TECTB: variants seen among roughly 807,000 people sequenced by gnomAD.
TECTB encodes tectorin beta.
A neutral mutation model predicts 43.3 loss-of-function variants in TECTB; 45 were observed. The observed-to-expected ratio is 1.04, with a 90% confidence interval of 0.82 to 1.33. The LOEUF (loss-of-function observed/expected upper bound fraction) is 1.33, where lower values mean the gene tolerates loss of function less well. Among genes scored for constraint, TECTB ranks in the 40% most tolerant of loss-of-function variants. The probability of loss-of-function intolerance (pLI) is 0.00; values close to 1 mark genes in which losing one functional copy is unlikely to be tolerated. For synonymous variants in TECTB, 169 were observed against 156.7 expected (o/e 1.08, Z -0.59); for missense variants, 399 against 404.7 (o/e 0.99, Z 0.12).
intron 7 of TECTB, among the ~76,000 whole-genome samples, chr10:112,295,808 C>T (rs1482453271): frequency 6.6e-6 from 1 of 152,210 alleles, no homozygotes; most frequent in Non-Finnish European, 1.5e-5. Context: ...GTTCTAGTGC[C>T]GTTGTTCCCA....
At chr10:112,295,983 G>T (rs571261132) in intron 7 of TECTB, among the ~76,000 whole-genome samples, 1 of 152,184 alleles carries the variant, frequency 6.6e-6, no homozygotes, top group Non-Finnish European at 1.5e-5. Flanking sequence ...GGAAACCCAC[G>T]GAATCTGCAT....
At chr10:112,300,309 AAGAAAGAAAG>A (rs1848597317) in intron 9 of TECTB, among the ~76,000 whole-genome samples, 2 of 122,832 alleles carry the variant, frequency 1.6e-5, no homozygotes, top group Admixed American at 1.7e-4. Context: ...GAAAGAAAGA[AAGAAAGAAAG>A]AGAAAGAAAA....
Position 112,303,393 on chromosome 10 carries a change from G to C in TECTB, c.*81G>C. 6.4e-7 allele frequency: 1 copy of C among 1,553,072 alleles called. No homozygotes were observed. Among genetic ancestry groups the C allele is most frequent in the Non-Finnish European group, 8.9e-7 (1 of 1,125,140 alleles). On this transcript the variant is annotated 3_prime_UTR_variant, in exon 11 of 11. Coordinates refer to ENST00000646139, the MANE Select transcript of TECTB (RefSeq NM_058222.3). ...AACACATTTATTGTGCTGCCAAAAA[G>C]AACAAACAGAAGACCACATTGTTGG...
chr10:112,301,264 C>A (rs922775531), intron 9 of TECTB, among the ~76,000 whole-genome samples: 1 of 151,944 alleles, frequency 6.6e-6, no homozygotes, highest in Non-Finnish European at 1.5e-5. Context: ...AAAAATTATC[C>A]GGGAGTGGTG....
chr10:112,286,103 C>T lies in TECTB; in HGVS notation c.300C>T (p.His100=), dbSNP rs530455117. ...YKPPIYHFYS[H]IVSNDTTVIV... is the part of the protein sequence containing the mutation. ...CACCTATCTATCACTTCTACAGTCA[C>T]ATCGTTTCCAATGACACCACAGTGA... Residue 100 remains histidine (H), a synonymous_variant, in exon 4 of 11, where the codon CAC becomes CAT. Transcript: ENST00000646139. The T allele has an allele frequency of 8.6e-5, 138 of 1,614,028 alleles. No homozygotes were observed. The highest frequency in any genetic ancestry group is 8.0e-5 in the Non-Finnish European group (94 of 1,179,990).
chr10:112,297,926 C>A, intron 7 of TECTB, 143 bp from the exon 8 acceptor site: 3 of 1,042,446 alleles, frequency 2.9e-6, no homozygotes, highest in Non-Finnish European at 4.3e-6. Flanking sequence ...TTGTGAAGAT[C>A]AAGTGAGGTG....
chr10:112,298,796 C>T (rs534176324), intron 8 of TECTB, among the ~76,000 whole-genome samples: 20 of 152,284 alleles, frequency 1.3e-4, no homozygotes, highest in African/African-American at 4.6e-4. Context: ...GCAGTCATGC[C>T]GGTGCTCACT....
At chr10:112,299,891 G>C (rs939474311) in intron 9 of TECTB, among the ~76,000 whole-genome samples, 4 of 152,050 alleles carry the variant, frequency 2.6e-5, no homozygotes, top group Non-Finnish European at 5.9e-5. Flanking sequence ...GGCCGGGCTC[G>C]GTGGCTCACG....
At chr10:112,294,190 G>C (rs1419117965) in intron 7 of TECTB, 129 bp downstream of exon 7, 2 of 756,074 alleles carry the variant, frequency 2.6e-6, no homozygotes, top group Admixed American at 2.4e-5. Context: ...GACACCATCT[G>C]TGGTTCCAGG....
intron 5 of TECTB, among the ~76,000 whole-genome samples, chr10:112,291,905 G>C (rs1329825363): frequency 1.3e-5 from 2 of 151,978 alleles, no homozygotes; most frequent in South Asian, 2.1e-4. Flanking sequence ...GGGAGGCCGA[G>C]GCGGGCAGAT....
At chr10:112,292,011 C>G (rs983091984) in intron 5 of TECTB, among the ~76,000 whole-genome samples, 8 of 152,008 alleles carry the variant, frequency 5.3e-5, no homozygotes, top group African/African-American at 1.9e-4. Flanking sequence ...TGGCAGGCAC[C>G]TGTAGTCGCA....
chr10:112,292,460 A>G (rs1848507246), intron 5 of TECTB, among the ~76,000 whole-genome samples: 1 of 151,936 alleles, frequency 6.6e-6, no homozygotes, highest in African/African-American at 2.4e-5. Context: ...TTTTTGACAG[A>G]GTCTCACTCT....
intron 5 of TECTB, among the ~76,000 whole-genome samples, chr10:112,287,483 A>G (rs1157592953): frequency 2.6e-5 from 4 of 152,244 alleles, no homozygotes; most frequent in Non-Finnish European, 5.9e-5. Flanking sequence ...TTAGAGCCAG[A>G]GGACCTGTTG....
chr10:112,302,947 CAGG>C, intron 10 of TECTB: 1 of 371,126 alleles, frequency 2.7e-6, no homozygotes. Flanking sequence ...CTCATCATTA[CAGG>C]AGAATCATGT....
chr10:112,296,731 C>T (rs1564709348), intron 7 of TECTB, among the ~76,000 whole-genome samples: 2 of 152,250 alleles, frequency 1.3e-5, no homozygotes, highest in South Asian at 4.1e-4. Flanking sequence ...TTCCTTAGTG[C>T]CTGCCTTTAG....
rs1848577344 is a variant in TECTB at position 112,299,494 on chromosome 10, C to A, written c.837C>A (p.Thr279=). ...CDSEKLSCPV[T]CDKRKRLLRD... is the part of the protein sequence containing the mutation. The stretch of plus-strand genomic sequence containing the variant: ...TGTCTGCCTCTCTGGGTCTTCAGAC[C>A]TGCGATAAACGGAAGCGCCTCCTGC... The change falls in exon 9 of 11, where the codon ACC becomes ACA. Residue 279 remains threonine (T), a splice_region_variant and synonymous_variant. Coordinates refer to ENST00000646139, the MANE Select transcript of TECTB (RefSeq NM_058222.3). The A allele has an allele frequency of 1.2e-6, 2 of 1,614,082 alleles. No homozygotes were observed. Among genetic ancestry groups the A allele is most frequent in the Non-Finnish European group, 1.7e-6 (2 of 1,180,036 alleles).
At chr10:112,288,625 A>G (rs1251079649) in intron 5 of TECTB, among the ~76,000 whole-genome samples, 4 of 152,110 alleles carry the variant, frequency 2.6e-5, no homozygotes, top group African/African-American at 7.2e-5. Flanking sequence ...CTTTCAGAGC[A>G]TTCTTATGTG....
rs376277764 is a variant in TECTB at position 112,286,144 on chromosome 10, C to T, written c.341C>T (p.Pro114Leu). ...NDTTVIVKNQ[P>L]VNYSFSCTYH... ...ACCACAGTGATTGTAAAAAACCAGC[C>T]TGTCAACTACTCCTTCTCCTGCACC... Residue 114 changes from proline (P) to leucine (L), a missense_variant, in exon 4 of 11, where the codon CCT (proline) becomes CTT (leucine). Coordinates refer to ENST00000646139, the MANE Select transcript of TECTB (RefSeq NM_058222.3). 202 of 1,614,052 alleles carry T rather than the reference C, an allele frequency of 1.3e-4. 1 individual carries two copies. The highest frequency in any genetic ancestry group is 1.6e-4 in the Non-Finnish European group (188 of 1,180,022).
At chr10:112,293,896 G>T (rs1402058243) in intron 6 of TECTB, 55 bp downstream of exon 6, 5 of 1,603,314 alleles carry the variant, frequency 3.1e-6, no homozygotes, top group Non-Finnish European at 4.3e-6. Flanking sequence ...AAAAAGACTA[G>T]CTGACATACT....
Sources: gnomAD v4.1 joint callset for allele counts (sites outside exome capture counted in the v4.1 genomes callset) on GRCh38, gnomAD v4.1.1 for gene constraint, MANE v1.5 for transcripts, NCBI Gene and HGNC (gene_info 2026-07-23, HGNC 2026-07-21) for gene names.